Variants in CEBPZOS observed in about 807,000 individuals in gnomAD.
CEBPZOS encodes the protein protein CEBPZOS.
CEBPZOS carries 10 observed loss-of-function variants against 4.8 expected under a neutral mutation model. The observed-to-expected ratio is 2.07, with a 90% CI of 1.28 to 3.52. The LOEUF (loss-of-function observed/expected upper bound fraction) is 3.52. Ranked by LOEUF, CEBPZOS falls within the 30% of genes most tolerant of loss-of-function variation. The pLI is 0.00. For synonymous variants in CEBPZOS, 25 were observed against 14.2 expected (o/e 1.77, Z -1.72); for missense variants, 98 against 43.6 (o/e 2.25, Z -3.51).
chr2:37,204,907 T>C (rs376074099), downstream of CEBPZOS, among the ~76,000 whole-genome samples: 519 of 152,312 alleles, frequency 3.4e-3, 2 homozygotes, highest in Non-Finnish European at 6.0e-3. Flanking sequence ...AAAAAATTTT[T>C]TTCTTCTCCT....
chr2:37,212,387 A>C, intron 4 of CEBPZOS: 1 of 1,613,146 alleles, frequency 6.2e-7, no homozygotes, highest in Non-Finnish European at 8.5e-7. Flanking sequence ...TCATCTTCAA[A>C]TGTGTCTGCC....
At chr2:37,199,959 G>C (rs1374725539) in intron 2 of CEBPZOS, 140 bp downstream of exon 2, 2 of 603,712 alleles carry the variant, frequency 3.3e-6, no homozygotes, top group Non-Finnish European at 6.0e-6. Context: ...GGCAGAACAG[G>C]AATCAAAGTA....
At chr2:37,204,963 T>C (rs1677480949), downstream of CEBPZOS, among the ~76,000 whole-genome samples, 1 of 152,188 alleles carries the variant, frequency 6.6e-6, no homozygotes, top group Admixed American at 6.5e-5. Context: ...TCAGTAGAAC[T>C]TGAAGTAAAG....
chr2:37,211,365 G>T, intron 4 of CEBPZOS: 1 of 270,930 alleles, frequency 3.7e-6, no homozygotes, highest in Non-Finnish European at 6.8e-6. Flanking sequence ...TTCTGCTGTG[G>T]TTCAGAATAA....
At chr2:37,210,625 G>C (rs758676359) in intron 4 of CEBPZOS, 10 of 161,854 alleles carry the variant, frequency 6.2e-5, no homozygotes, top group Non-Finnish European at 1.1e-4. Flanking sequence ...TTGGGGGGAA[G>C]AGTGGGAGGC....
rs1677752463 is a variant in CEBPZOS at position 37,212,432 on chromosome 2, G to A, written c.*3-1005G>A. Reference sequence around the variant, plus strand: ...AGAAATGTGAGATACAACAAAGAATGACAAGCTTGACATATATCTTGTATC... The same window carrying A: ...AGAAATGTGAGATACAACAAAGAATAACAAGCTTGACATATATCTTGTATC... On this transcript the variant is annotated intron_variant, in intron 4 of 4. Transcript: ENST00000397064. 3 of 1,491,054 alleles carry A rather than the reference G, an allele frequency of 2.0e-6. No homozygotes were observed. The Admixed American group carries it at 5.1e-5, about 25-fold the overall frequency. The allele number at this position is 1,491,054 out of a possible 1,614,324, so 92.4% of individuals were successfully genotyped here. A position where few individuals can be genotyped will look rare whatever the true frequency, so the allele number is the denominator to read the frequency against.
At chr2:37,200,105 G>A (rs1021020386) in intron 2 of CEBPZOS, among the ~76,000 whole-genome samples, 5 of 152,108 alleles carry the variant, frequency 3.3e-5, no homozygotes, top group Admixed American at 6.5e-5. Context: ...GCTTAGTTTG[G>A]GAGCACAGAT....
chr2:37,206,030 A>G (rs908342702), downstream of CEBPZOS, among the ~76,000 whole-genome samples: 3 of 152,252 alleles, frequency 2.0e-5, no homozygotes, highest in Admixed American at 6.5e-5. Flanking sequence ...AGCAGAGATT[A>G]GCATGTGAAT....
At position 37,203,232 on chromosome 2, in the gene CEBPZOS, T is replaced by C. The variant is rs1677367346; in HGVS notation, c.*1372T>C. On this transcript the variant is annotated 3_prime_UTR_variant, in exon 5 of 5. Transcript: ENST00000402297. Reference sequence around the variant, plus strand: ...AATAGAACTGTTCAGATGACAAGAGTGTCTTCTTGCTTTTCAGATTTGGCC... The same window carrying C: ...AATAGAACTGTTCAGATGACAAGAGCGTCTTCTTGCTTTTCAGATTTGGCC... 3.1e-6 allele frequency: 1 copy of C among 318,228 alleles called. No homozygotes were observed. The highest frequency in any genetic ancestry group is 4.9e-5 in the Admixed American group (1 of 20,454). 19.7% of individuals were successfully genotyped at this position (318,228 alleles called of 1,614,324 possible). A position where few individuals can be genotyped will look rare whatever the true frequency, so the allele number is the denominator to read the frequency against.
chr2:37,201,914 A>G lies in CEBPZOS; in HGVS notation c.*54A>G, dbSNP rs777894653. 8.7e-6 allele frequency: 14 copies of G among 1,610,872 alleles called. No homozygotes were observed. The South Asian group carries it at 1.4e-4, about 17-fold the overall frequency. Reference sequence around the variant, plus strand: ...TAAGCTGTTTGAGACCTTTGAGAGAAGAAGAAAAGATGAGTGTACTACCAC... The same window carrying G: ...TAAGCTGTTTGAGACCTTTGAGAGAGGAAGAAAAGATGAGTGTACTACCAC... On this transcript the variant is annotated 3_prime_UTR_variant, in exon 5 of 5. Transcript: ENST00000402297.
chr2:37,206,682 C>T (rs1447004678), downstream of CEBPZOS, among the ~76,000 whole-genome samples: 1 of 152,132 alleles, frequency 6.6e-6, no homozygotes, highest in Non-Finnish European at 1.5e-5. Context: ...TGAAACAAAA[C>T]CTTGAAGTAC....
chr2:37,210,286 G>GTGGAAATAAGTACCC (rs549744828), intron 4 of CEBPZOS: 182 of 152,246 alleles, frequency 1.2e-3, no homozygotes, highest in African/African-American at 4.1e-3. Context: ...GTACTACCCA[G>GTGGAAATAAGTACCC]AGGAAAATAA....
chr2:37,211,898 A>T, intron 4 of CEBPZOS: 1 of 1,612,258 alleles, frequency 6.2e-7, no homozygotes, highest in South Asian at 1.1e-5. Context: ...CTCCATCTTC[A>T]TCAACTTCAG....
downstream of CEBPZOS, among the ~76,000 whole-genome samples, chr2:37,206,080 T>C (rs1371609795): frequency 1.3e-5 from 2 of 152,166 alleles, no homozygotes; most frequent in Non-Finnish European, 2.9e-5. Context: ...CAAATGTGAG[T>C]GGGCACCATC....
chr2:37,200,172 T>C (rs1215284032), intron 2 of CEBPZOS, among the ~76,000 whole-genome samples: 1 of 152,180 alleles, frequency 6.6e-6, no homozygotes, highest in Admixed American at 6.5e-5. Flanking sequence ...AGAAAGTAAC[T>C]GGTATTGCTG....
chr2:37,213,813 A>G, downstream of CEBPZOS: 1 of 1,243,236 alleles, frequency 8.0e-7, no homozygotes, highest in Non-Finnish European at 1.2e-6. Flanking sequence ...TCCATGGTCT[A>G]TTAACACATA....
At position 37,211,593 on chromosome 2, in the gene CEBPZOS, A is replaced by G. The variant is rs139775347; in HGVS notation, c.*3-1844A>G. The G allele has an allele frequency of 5.5e-5, 24 of 436,252 alleles. No individual in the cohort carries two copies. The East Asian group carries it at 8.2e-4, about 15-fold the overall frequency. The allele number at this position is 436,252 out of a possible 1,614,324, so 27.0% of individuals were successfully genotyped here. A position where few individuals can be genotyped will look rare whatever the true frequency, so the allele number is the denominator to read the frequency against. The stretch of plus-strand genomic sequence containing the variant: ...AGCATTTCAGCTCAACATGTATTGT[A>G]CAGAGAAGCTAGCTGCTGGTTAAAG... On this transcript the variant is annotated intron_variant, in intron 4 of 4. Coordinates refer to the CEBPZOS transcript ENST00000397064.
At chr2:37,208,534 A>G (rs910350352), downstream of CEBPZOS, among the ~76,000 whole-genome samples, 1 of 152,184 alleles carries the variant, frequency 6.6e-6, no homozygotes, top group African/African-American at 2.4e-5. Context: ...ACAATTAAAA[A>G]CAAAAATCAT....
At chr2:37,199,653 G>A (rs1352432238) in intron 1 of CEBPZOS, 51 bp from the exon 2 acceptor site, 8 of 690,744 alleles carry the variant, frequency 1.2e-5, no homozygotes, top group African/African-American at 1.8e-5. Context: ...AATGATAATA[G>A]TAGTTTAAGT....
Sources: gnomAD v4.1 joint callset for allele counts (sites outside exome capture counted in the v4.1 genomes callset) on GRCh38, gnomAD v4.1.1 for gene constraint, MANE v1.5 for transcripts, NCBI Gene and HGNC (gene_info 2026-07-23, HGNC 2026-07-21) for gene names.